The following CNTN5 variants were observed in gnomAD, a reference collection of about 807,000 sequenced individuals.
The protein encoded by CNTN5 is contactin-5.
Under a neutral mutation model 129.1 loss-of-function variants are expected in CNTN5, and 77 were observed. The observed-to-expected ratio is 0.60, with a 90% confidence interval of 0.50 to 0.72. The LOEUF (loss-of-function observed/expected upper bound fraction) is 0.72. Ranked by LOEUF, CNTN5 falls within the 30% of genes least tolerant of loss-of-function variation. CNTN5 has a pLI of 0.00. For synonymous variants in CNTN5, 509 were observed against 465.6 expected (o/e 1.09, Z -1.20); for missense variants, 1,478 against 1,328.8 (o/e 1.11, Z -1.75).
intron 16 of CNTN5, among the ~76,000 whole-genome samples, chr11:100,239,981 T>G (rs1949702481): frequency 6.6e-6 from 1 of 152,156 alleles, no homozygotes; most frequent in South Asian, 2.1e-4. Context: ...GAAATAGAAC[T>G]GTTATTAGTA....
At chr11:99,439,462 C>A (rs1208016052) in intron 2 of CNTN5, among the ~76,000 whole-genome samples, 15 of 152,074 alleles carry the variant, frequency 9.9e-5, no homozygotes, top group African/African-American at 2.9e-4. Context: ...AATCCCAACA[C>A]TTTGGGAGGC....
chr11:99,397,682 G>A (rs1214127385), intron 2 of CNTN5, among the ~76,000 whole-genome samples: 1 of 151,578 alleles, frequency 6.6e-6, no homozygotes, highest in African/African-American at 2.4e-5. Flanking sequence ...TCTCATGTTT[G>A]TTTTGCTTGT....
At chr11:99,973,484 A>G (rs985542984) in intron 8 of CNTN5, among the ~76,000 whole-genome samples, 1 of 152,140 alleles carries the variant, frequency 6.6e-6, no homozygotes, top group Non-Finnish European at 1.5e-5. Context: ...TATGGTTTTC[A>G]GTTTTCCTTA....
At chr11:99,580,931 C>A (rs1302448117) in intron 3 of CNTN5, among the ~76,000 whole-genome samples, 11 of 144,988 alleles carry the variant, frequency 7.6e-5, no homozygotes, top group Non-Finnish European at 1.5e-4. Context: ...GTTAGGGTGT[C>A]AATTTTAGAT....
chr11:100,242,087 C>A (rs890641098), intron 16 of CNTN5, among the ~76,000 whole-genome samples: 7 of 152,152 alleles, frequency 4.6e-5, no homozygotes, highest in African/African-American at 1.7e-4. Context: ...TTGCTATTGC[C>A]TTCTAATCCC....
intron 3 of CNTN5, among the ~76,000 whole-genome samples, chr11:99,684,434 CCTT>C (rs1476121376): frequency 1.3e-5 from 2 of 151,656 alleles, no homozygotes; most frequent in African/African-American, 2.4e-5. Context: ...AAGTTAAAAT[CCTT>C]CTCTTCCAAT....
chr11:99,977,441 A>T (rs1358659484), intron 8 of CNTN5, among the ~76,000 whole-genome samples: 1 of 152,150 alleles, frequency 6.6e-6, no homozygotes, highest in African/African-American at 2.4e-5. Context: ...GTTCATTTTC[A>T]CACCGCTATG....
chr11:99,267,343 A>T (rs1030390856), intron 1 of CNTN5, among the ~76,000 whole-genome samples: 3 of 152,072 alleles, frequency 2.0e-5, no homozygotes, highest in African/African-American at 7.2e-5. Flanking sequence ...TCTTAGAAAT[A>T]TGGAAAATGG....
At chr11:99,789,877 G>T (rs1397910771) in intron 3 of CNTN5, among the ~76,000 whole-genome samples, 1 of 151,952 alleles carries the variant, frequency 6.6e-6, no homozygotes, top group African/African-American at 2.4e-5. Flanking sequence ...CATCATCCAG[G>T]TAGTGGGCAT....
intron 15 of CNTN5, among the ~76,000 whole-genome samples, chr11:100,202,223 T>G (rs1948799338): frequency 1.3e-5 from 2 of 151,996 alleles, no homozygotes; most frequent in Admixed American, 1.3e-4. Flanking sequence ...CATTATCATT[T>G]ATCAGATCTA....
In CNTN5 at chr11:99,956,979, C is replaced by A; in HGVS notation, c.847C>A (p.Pro283Thr). 2 of 1,613,754 alleles carry A rather than the reference C, an allele frequency of 1.2e-6. No individual in the cohort carries two copies. Among genetic ancestry groups the A allele is most frequent in the Non-Finnish European group, 1.7e-6 (2 of 1,179,786 alleles). ...AGTGACGAATGCTAGAGTCCTTAGTCCTCCAACGCCACTCACTCTGCGTAA... is the reference window on the plus strand; with the variant it reads ...AGTGACGAATGCTAGAGTCCTTAGTACTCCAACGCCACTCACTCTGCGTAA... Reference protein sequence around the residue: ...NTVTNARVLSPPTPLTLRNDG... With the variant: ...NTVTNARVLSTPTPLTLRNDG... The change falls in exon 8 of 25, where the codon CCT (proline) becomes ACT (threonine). Residue 283 changes from proline (P) to threonine (T), a missense_variant. Physicochemically the swap from Pro to Thr is conservative, Grantham distance 38 (BLOSUM62 -1). Transcript: ENST00000524871.
At chr11:99,034,015 T>C (rs1300420047) in intron 1 of CNTN5, among the ~76,000 whole-genome samples, 3 of 152,172 alleles carry the variant, frequency 2.0e-5, no homozygotes, top group Non-Finnish European at 4.4e-5. Context: ...TTTCTGCATC[T>C]ATTGAGATAA....
intron 1 of CNTN5, among the ~76,000 whole-genome samples, chr11:99,235,585 C>T (rs1048184297): frequency 2.0e-5 from 3 of 152,056 alleles, no homozygotes; most frequent in African/African-American, 4.8e-5. Flanking sequence ...ATAGGTATAA[C>T]TATGAGTTAA....
At chr11:99,084,714 T>C (rs953981461) in intron 1 of CNTN5, among the ~76,000 whole-genome samples, 2 of 152,188 alleles carry the variant, frequency 1.3e-5, no homozygotes, top group African/African-American at 4.8e-5. Flanking sequence ...GTGCTAATAA[T>C]ATGATATCAG....
At chr11:100,149,391 G>C (rs931450436) in intron 13 of CNTN5, among the ~76,000 whole-genome samples, 6 of 152,154 alleles carry the variant, frequency 3.9e-5, no homozygotes, top group Admixed American at 1.3e-4. Flanking sequence ...CAAAACCATG[G>C]AATTGAAGTA....
chr11:99,316,960 C>T (rs1369601490), intron 1 of CNTN5, among the ~76,000 whole-genome samples: 1 of 152,080 alleles, frequency 6.6e-6, no homozygotes, highest in Non-Finnish European at 1.5e-5. Flanking sequence ...ACCAGAAGTG[C>T]TAACAGCTGC....
intron 13 of CNTN5, among the ~76,000 whole-genome samples, chr11:100,149,845 G>A (rs994441702): frequency 2.7e-5 from 4 of 146,108 alleles, no homozygotes; most frequent in Admixed American, 7.0e-5. Context: ...AGTGAGCCGA[G>A]CTTGTGCCAC....
chr11:99,310,039 A>T (rs1865043679), intron 1 of CNTN5, among the ~76,000 whole-genome samples: 1 of 152,136 alleles, frequency 6.6e-6, no homozygotes, highest in African/African-American at 2.4e-5. Flanking sequence ...AGATATGAGG[A>T]CACTTTTTAC....
Position 100,356,409 on chromosome 11 carries a change from T to C in CNTN5, c.*189T>C, listed in dbSNP as rs1369418053. 5.1e-6 allele frequency: 3 copies of C among 593,076 alleles called. No homozygotes were observed. The highest frequency in any genetic ancestry group is 9.0e-6 in the Non-Finnish European group (3 of 332,432). The allele number at this position is 593,076 out of a possible 1,614,324, so 36.7% of individuals were successfully genotyped here. On this transcript the variant is annotated 3_prime_UTR_variant, in exon 25 of 25. Coordinates refer to ENST00000524871, the MANE Select transcript of CNTN5 (RefSeq NM_014361.4). ...CCATCAGGTTTCTCTTTGGTTTTTGTAAACGGAGAGGACAGTTCTTAGTCC... is the reference window on the plus strand; with the variant it reads ...CCATCAGGTTTCTCTTTGGTTTTTGCAAACGGAGAGGACAGTTCTTAGTCC...
Sources: allele counts gnomAD v4.1 joint callset (sites outside exome capture counted in the v4.1 genomes callset), GRCh38; gene constraint gnomAD v4.1.1; transcripts MANE v1.5; gene names NCBI Gene and HGNC (gene_info 2026-07-23, HGNC 2026-07-21).